Variants in NCBP1 observed in about 807,000 individuals in gnomAD.
NCBP1 encodes nuclear cap binding protein subunit 1.
Under a neutral mutation model 111.7 loss-of-function variants are expected in NCBP1, and 16 were observed. The ratio of observed to expected loss-of-function variants is 0.14; its 90% CI spans 0.10 to 0.22. NCBP1 has a LOEUF of 0.22. Among genes scored for constraint, NCBP1 ranks in the 10% least tolerant of loss-of-function variants. NCBP1 has a pLI of 1.00. For missense variants in NCBP1, 607 were observed against 957.5 expected (o/e 0.63, Z 4.83); for synonymous variants, 304 against 314.3 (o/e 0.97, Z 0.35).
Position 97,672,864 on chromosome 9 carries a change from C to CA in NCBP1, c.*1666dup, listed in dbSNP as rs1362881083. The CA allele has an allele frequency of 1.3e-5, 2 of 153,440 alleles. No individual in the cohort carries two copies. Among genetic ancestry groups the CA allele is most frequent in the African/African-American group, 4.8e-5 (2 of 41,462 alleles). 9.5% of individuals were successfully genotyped at this position (153,440 alleles called of 1,614,324 possible). ...AGCATATGGGCTGGGCGCAGTGGCT[C>CA]ACGCCTGTAATCCCAGCACTTTGGG... On this transcript the variant is annotated 3_prime_UTR_variant, in exon 23 of 23. Coordinates refer to ENST00000375147, the MANE Select transcript of NCBP1 (RefSeq NM_002486.5).
intron 1 of NCBP1, among the ~76,000 whole-genome samples, chr9:97,636,637 CAT>C (rs377027165): frequency 0.15 from 16,097 of 110,736 alleles, 1,010 homozygotes; most frequent in South Asian, 0.24. Flanking sequence ...GAAAGTAATA[CAT>C]ATATATATAT....
intron 22 of NCBP1, among the ~76,000 whole-genome samples, chr9:97,670,312 C>T (rs1435883448): frequency 6.6e-6 from 1 of 152,094 alleles, no homozygotes; most frequent in Non-Finnish European, 1.5e-5. Context: ...TTTATAAGTC[C>T]CTAAAAAGCC....
intron 6 of NCBP1, 87 bp from the exon 7 acceptor site, chr9:97,647,405 T>C: frequency 9.5e-7 from 1 of 1,048,142 alleles, no homozygotes; most frequent in Non-Finnish European, 1.5e-6. Flanking sequence ...ATTTCATTGC[T>C]TTAATTTGCA....
At chr9:97,649,666 T>TAATG (rs749196634) in intron 8 of NCBP1, among the ~76,000 whole-genome samples, 1 of 152,200 alleles carries the variant, frequency 6.6e-6, no homozygotes, top group Admixed American at 6.5e-5. Flanking sequence ...CAAAATTATG[T>TAATG]AATGATCTAC....
chr9:97,645,111 C>T lies in NCBP1; in HGVS notation c.382-6C>T. 1.2e-6 allele frequency: 2 copies of T among 1,608,754 alleles called. No homozygotes were observed. Among genetic ancestry groups the T allele is most frequent in the Non-Finnish European group, 8.5e-7 (1 of 1,175,526 alleles). On this transcript the variant is annotated splice_polypyrimidine_tract_variant and splice_region_variant and intron_variant, in intron 4 of 22. Transcript: ENST00000375147. ...GTTTAATAGCAGAAATTGTTTGCCC[C>T]AACAGGTCCGTTTTTTATCTGATCT...
chr9:97,644,501 G>T (rs1393329475), intron 4 of NCBP1, among the ~76,000 whole-genome samples: 1 of 152,132 alleles, frequency 6.6e-6, no homozygotes, highest in Non-Finnish European at 1.5e-5. Flanking sequence ...TTGCCTTTTA[G>T]TGTGGGAGTC....
chr9:97,637,456 T>C (rs1173794231), intron 1 of NCBP1, among the ~76,000 whole-genome samples: 1 of 152,236 alleles, frequency 6.6e-6, no homozygotes, highest in Non-Finnish European at 1.5e-5. Flanking sequence ...TTTTGGGAAT[T>C]TGGGCAATTT....
intron 10 of NCBP1, among the ~76,000 whole-genome samples, chr9:97,652,752 C>T (rs559124280): frequency 7.9e-5 from 12 of 152,246 alleles, no homozygotes; most frequent in African/African-American, 2.6e-4. Flanking sequence ...ACTTTGGTGC[C>T]TTTTTAAAAA....
intron 1 of NCBP1, among the ~76,000 whole-genome samples, chr9:97,636,638 A>ATG (rs1827045473): frequency 2.4e-4 from 1 of 4,152 alleles, no homozygotes; most frequent in East Asian, 7.0e-3. Flanking sequence ...AAAGTAATAC[A>ATG]TATATATATA....
intron 15 of NCBP1, among the ~76,000 whole-genome samples, chr9:97,660,418 T>A (rs1437298634): frequency 6.6e-6 from 1 of 152,176 alleles, no homozygotes; most frequent in Non-Finnish European, 1.5e-5. Flanking sequence ...AGCATCTGAC[T>A]TACGTAGATT....
At chr9:97,659,996 C>T (rs1157909279) in intron 15 of NCBP1, among the ~76,000 whole-genome samples, 1 of 152,198 alleles carries the variant, frequency 6.6e-6, no homozygotes, top group Non-Finnish European at 1.5e-5. Context: ...TTCCTTTTCT[C>T]CTTCTAGATT....
chr9:97,638,780 C>T (rs1225369031), intron 1 of NCBP1, among the ~76,000 whole-genome samples: 1 of 152,090 alleles, frequency 6.6e-6, no homozygotes, highest in East Asian at 1.9e-4. Context: ...ATGCCTGGCC[C>T]CTACCCACTA....
intron 10 of NCBP1, 107 bp from the exon 11 acceptor site, chr9:97,653,691 A>G (rs1827560950): frequency 4.1e-6 from 3 of 729,434 alleles, no homozygotes; most frequent in Admixed American, 3.0e-5. Flanking sequence ...TTCCATTTTC[A>G]TATGAATGCC....
At chr9:97,661,167 T>C in intron 16 of NCBP1, 99 bp downstream of exon 16, 1 of 1,469,378 alleles carries the variant, frequency 6.8e-7, no homozygotes, top group African/African-American at 1.4e-5. Flanking sequence ...GCAATATATC[T>C]ATATCTGTTT....
At chr9:97,646,620 G>A (rs1588000319) in intron 6 of NCBP1, among the ~76,000 whole-genome samples, 3 of 152,226 alleles carry the variant, frequency 2.0e-5, no homozygotes, top group Middle Eastern at 3.4e-3. Context: ...TGGATCACCC[G>A]AGGTCAGGAG....
intron 10 of NCBP1, among the ~76,000 whole-genome samples, chr9:97,652,043 G>A (rs1000113039): frequency 6.6e-6 from 1 of 151,604 alleles, no homozygotes; most frequent in Non-Finnish European, 1.5e-5. Flanking sequence ...TTGCTCTGTC[G>A]CCCAGGCTGG....
At chr9:97,650,312 G>C (rs1257414624) in intron 8 of NCBP1, among the ~76,000 whole-genome samples, 191 bp from the exon 9 acceptor site, 1 of 152,184 alleles carries the variant, frequency 6.6e-6, no homozygotes, top group African/African-American at 2.4e-5. Context: ...AAACACTACA[G>C]CTGATACTCT....
At chr9:97,650,402 G>A (rs554628785) in intron 8 of NCBP1, 101 bp from the exon 9 acceptor site, 43 of 812,194 alleles carry the variant, frequency 5.3e-5, no homozygotes, top group African/African-American at 5.0e-4. Flanking sequence ...CCATCACCCA[G>A]TTTAGTGCTT....
At chr9:97,640,955 A>T in intron 2 of NCBP1, 73 bp downstream of exon 2, 1 of 1,194,748 alleles carries the variant, frequency 8.4e-7, no homozygotes, top group Non-Finnish European at 1.2e-6. Context: ...TAATTTTTGC[A>T]GCTGAAAAGT....
Sources: allele counts gnomAD v4.1 joint callset (sites outside exome capture counted in the v4.1 genomes callset), GRCh38; gene constraint gnomAD v4.1.1; transcripts MANE v1.5; gene names NCBI Gene and HGNC (gene_info 2026-07-23, HGNC 2026-07-21).